Variants in PPP2R2C observed in about 807,000 individuals in gnomAD.
The protein encoded by PPP2R2C is protein phosphatase 2, regulatory subunit B, gamma.
Under a neutral mutation model 45.3 loss-of-function variants are expected in PPP2R2C, and 10 were observed. That is an observed-to-expected ratio of 0.22 (90% CI 0.14 to 0.37). The LOEUF (loss-of-function observed/expected upper bound fraction) is 0.37, where lower values mean the gene tolerates loss of function less well. Among genes scored for constraint, PPP2R2C ranks in the 10% least tolerant of loss-of-function variants. The pLI is 1.00. For missense variants in PPP2R2C, 308 were observed against 619.7 expected, an observed-to-expected ratio of 0.50 and a Z score of 5.34; for synonymous variants, 257 against 245.4, an observed-to-expected ratio of 1.05 and a Z score of -0.44.
rs1370336511 is a variant in PPP2R2C at position 6,328,933 on chromosome 4, T to C, written c.1052+329A>G. On this transcript the variant is annotated intron_variant, in intron 8 of 8. Coordinates refer to ENST00000382599, the MANE Select transcript of PPP2R2C (RefSeq NM_020416.4). The surrounding 1 kb of genome is among the most constrained non-coding windows in gnomAD (Gnocchi z 4.4). ...ATGATGGTGACCGGGTGCTGGGCTATAGCCCTCGCCCCCGACAAGCTGGGA... is the reference window on the plus strand; with the variant it reads ...ATGATGGTGACCGGGTGCTGGGCTACAGCCCTCGCCCCCGACAAGCTGGGA... Among the ~76,000 whole-genome samples the C allele has an allele frequency of 2.0e-5, 3 of 151,990 alleles. No individual in the cohort carries two copies. Among genetic ancestry groups the C allele is most frequent in the African/African-American group, 7.3e-5 (3 of 41,362 alleles).
chr4:6,343,411 T>G (rs1485599767), intron 6 of PPP2R2C, among the ~76,000 whole-genome samples: 1 of 152,170 alleles, frequency 6.6e-6, no homozygotes, highest in African/African-American at 2.4e-5. Flanking sequence ...TTTGCATAAA[T>G]CAATAATCAA....
intron 2 of PPP2R2C, among the ~76,000 whole-genome samples, chr4:6,478,188 T>C (rs2108776471): frequency 6.6e-6 from 1 of 152,336 alleles, no homozygotes; most frequent in Middle Eastern, 3.4e-3. Context: ...TTAGCCTAAA[T>C]GCTATGATTA....
chr4:6,348,796 T>G, intron 5 of PPP2R2C: 1 of 774,190 alleles, frequency 1.3e-6, no homozygotes, highest in African/African-American at 1.9e-5. Context: ...GATCTGGTGA[T>G]GCCATTGGAA....
At position 6,538,337 on chromosome 4, in the gene PPP2R2C, G is replaced by A. The variant is rs370245565; in HGVS notation, c.-58-2960C>T. 6.6e-5 allele frequency among the ~76,000 whole-genome samples: 10 copies of A among 152,172 alleles called. No homozygotes were observed. The East Asian group carries it at 1.4e-3, about 21-fold the overall frequency. ...GACGCTTCCTCGGGGTACAGATATC[G>A]GCATGGAGAGGTGCCCGCCGCCCAT... is the stretch of plus-strand genomic sequence containing the variant. On this transcript the variant is annotated intron_variant, in intron 1 of 9. Transcript: ENST00000506140.
intron 2 of PPP2R2C, among the ~76,000 whole-genome samples, chr4:6,380,682 AG>A (rs1175474161): frequency 1.3e-5 from 2 of 152,074 alleles, no homozygotes; most frequent in East Asian, 1.9e-4. Flanking sequence ...GGCTGAGGGC[AG>A]GGGGCTCAGA....
At chr4:6,508,898 T>C (rs992066320) in intron 2 of PPP2R2C, among the ~76,000 whole-genome samples, 1 of 152,186 alleles carries the variant, frequency 6.6e-6, no homozygotes, top group African/African-American at 2.4e-5. Flanking sequence ...CCCAGAAGCA[T>C]GCCAACGTAT....
intron 2 of PPP2R2C, among the ~76,000 whole-genome samples, chr4:6,492,558 C>A (rs1007361696): frequency 2.0e-5 from 3 of 152,228 alleles, no homozygotes; most frequent in African/African-American, 7.2e-5. Context: ...CCCATCTGAA[C>A]TGATAATCCC....
At position 6,323,500 on chromosome 4, in the gene PPP2R2C, G is replaced by A; in HGVS notation, c.1146C>T (p.Ser382=). The A allele has an allele frequency of 6.2e-7, 1 of 1,608,164 alleles. No homozygotes were observed. The highest frequency in any genetic ancestry group is 1.1e-5 in the South Asian group (1 of 90,950). ...GTGGCTTGAGCACAGCCCGGGGCTT[G>A]CTGCTTTCCCTCGAGGCCTCCAGGG... ...DVTLEASRES[S]KPRAVLKPRR... is the part of the protein sequence containing the mutation. Residue 382 remains serine, a synonymous_variant, in exon 9 of 9, where the codon AGC becomes AGT. Coordinates refer to ENST00000382599, the MANE Select transcript of PPP2R2C (RefSeq NM_020416.4).
At chr4:6,537,626 C>T (rs1724674826) in intron 1 of PPP2R2C, among the ~76,000 whole-genome samples, 1 of 150,288 alleles carries the variant, frequency 6.7e-6, no homozygotes, top group African/African-American at 2.5e-5. Flanking sequence ...TCTCGGCTCA[C>T]TGTAAGCTCC....
chr4:6,534,561 CCATA>C lies in PPP2R2C; in HGVS notation c.49+706_49+709del, dbSNP rs112582762. On this transcript the variant is annotated intron_variant, in intron 2 of 9. Transcript: ENST00000506140. ...CACACACCCCAACATACATGCCCCA[CCATA>C]CAAACACATCAACGCATACAACACA... Among the ~76,000 whole-genome samples, 869 of 152,026 alleles carry C rather than the reference CCATA, an allele frequency of 5.7e-3. 9 individuals are homozygous for C. Among genetic ancestry groups the C allele is most frequent in the African/African-American group, 0.019 (771 of 41,460 alleles).
At chr4:6,387,512 G>A (rs1372944597) in intron 1 of PPP2R2C, among the ~76,000 whole-genome samples, 1 of 152,060 alleles carries the variant, frequency 6.6e-6, no homozygotes, top group African/African-American at 2.4e-5. Context: ...CGAAATATTC[G>A]TCAAGAATGA....
chr4:6,479,647 A>G (rs116505084), intron 2 of PPP2R2C, among the ~76,000 whole-genome samples: 326 of 152,290 alleles, frequency 2.1e-3, no homozygotes, highest in Middle Eastern at 0.02. Context: ...CCTGAGTCCA[A>G]ATGTAATTGC....
At chr4:6,540,612 T>G (rs1724777091) in intron 1 of PPP2R2C, among the ~76,000 whole-genome samples, 1 of 152,228 alleles carries the variant, frequency 6.6e-6, no homozygotes, top group South Asian at 2.1e-4. Flanking sequence ...TGCTGGGTCA[T>G]GAGATAAATC....
chr4:6,512,611 A>ATGGTGGTGATGGTGATGGTGATGGTGG (rs1723695375), intron 2 of PPP2R2C, among the ~76,000 whole-genome samples: 1 of 42,458 alleles, frequency 2.4e-5, no homozygotes, highest in Non-Finnish European at 4.8e-5. Flanking sequence ...GGTGGTGATT[A>ATGGTGGTGATGGTGATGGTGATGGTGG]TGGTGGTAGT....
intron 6 of PPP2R2C, 73 bp downstream of exon 6, chr4:6,347,773 G>T: frequency 1.4e-6 from 2 of 1,462,448 alleles, no homozygotes; most frequent in Non-Finnish European, 1.8e-6. Flanking sequence ...TGCAGCAGCT[G>T]CACCAGGACA....
At chr4:6,557,145 G>T (rs1323584644) in intron 1 of PPP2R2C, among the ~76,000 whole-genome samples, 8 of 152,146 alleles carry the variant, frequency 5.3e-5, no homozygotes, top group Non-Finnish European at 1.2e-4. Flanking sequence ...TTGCTAATAG[G>T]TTCCTTTCCT....
exon 2 of PPP2R2C, chr4:6,535,338 C>A: frequency 6.5e-7 from 1 of 1,534,894 alleles, no homozygotes; most frequent in Non-Finnish European, 8.7e-7. Context: ...AGGTGACTAA[C>A]ACAGGTCATT....
At chr4:6,542,507 A>G (rs1317613027) in intron 1 of PPP2R2C, among the ~76,000 whole-genome samples, 3 of 152,180 alleles carry the variant, frequency 2.0e-5, no homozygotes, top group Non-Finnish European at 4.4e-5. Flanking sequence ...CAGCCTGGCC[A>G]ACATGACGAA....
intron 1 of PPP2R2C, chr4:6,383,809 A>G (rs982524100): frequency 1.5e-5 from 15 of 998,092 alleles, no homozygotes; most frequent in Non-Finnish European, 1.8e-5. Flanking sequence ...GCCTGTATGC[A>G]GTAGCCAGGC....
Sources: allele counts gnomAD v4.1 joint callset (sites outside exome capture counted in the v4.1 genomes callset), GRCh38; gene constraint gnomAD v4.1.1; non-coding constraint Gnocchi (gnomAD v3.1); transcripts MANE v1.5; gene names NCBI Gene and HGNC (gene_info 2026-07-23, HGNC 2026-07-21).